The following CCDC3 variants were observed in gnomAD, a reference collection of about 807,000 sequenced individuals.
The protein encoded by CCDC3 is coiled-coil domain-containing protein 3.
CCDC3 carries 24 observed loss-of-function variants against 21.4 expected under a neutral mutation model. The ratio of observed to expected loss-of-function variants is 1.12; its 90% CI spans 0.81 to 1.58. CCDC3 has a LOEUF of 1.58. CCDC3 is among the 40% of genes most tolerant of loss of function. CCDC3 has a pLI of 0.00. For missense variants in CCDC3, 425 were observed against 360.9 expected, an observed-to-expected ratio of 1.18 and a Z score of -1.44; for synonymous variants, 186 against 166.0, an observed-to-expected ratio of 1.12 and a Z score of -0.93.
Position 13,052,963 on chromosome 10 carries a change from C to G in CCDC3, c.-269-3022G>C, listed in dbSNP as rs932121344. Reference sequence around the variant, plus strand: ...TCACACACACACACACACACACACACACACACACACACACACACACACATA... The same window carrying G: ...TCACACACACACACACACACACACAGACACACACACACACACACACACATA... On this transcript the variant is annotated intron_variant, in intron 4 of 6. Transcript: ENST00000378839. Among the ~76,000 whole-genome samples, 11 of 133,806 alleles carry G rather than the reference C, an allele frequency of 8.2e-5. No individual in the cohort carries two copies. In the East Asian group the frequency reaches 2.2e-3, roughly 27 times the overall value. 87.8% of individuals were successfully genotyped at this position (133,806 alleles called of 152,430 possible). A position where few individuals can be genotyped will look rare whatever the true frequency, so the allele number is the denominator to read the frequency against.
intron 2 of CCDC3, among the ~76,000 whole-genome samples, chr10:12,957,918 C>T (rs1835118174): frequency 6.6e-6 from 1 of 152,042 alleles, no homozygotes; most frequent in Non-Finnish European, 1.5e-5. Context: ...TGATCTTGGC[C>T]TCCTGGGTTC....
At chr10:12,984,510 G>A (rs1440050520) in intron 2 of CCDC3, among the ~76,000 whole-genome samples, 1 of 152,196 alleles carries the variant, frequency 6.6e-6, no homozygotes, top group Non-Finnish European at 1.5e-5. Context: ...CTCCTGCAAA[G>A]GCTAAACATA....
intron 2 of CCDC3, among the ~76,000 whole-genome samples, chr10:12,904,975 A>C (rs1010878420): frequency 2.0e-5 from 3 of 152,192 alleles, no homozygotes; most frequent in African/African-American, 4.8e-5. Context: ...ATGGCACCAG[A>C]CATGCCAAAG....
At chr10:12,929,197 G>A (rs1043228047) in intron 2 of CCDC3, among the ~76,000 whole-genome samples, 1 of 151,218 alleles carries the variant, frequency 6.6e-6, no homozygotes, top group Non-Finnish European at 1.5e-5. Context: ...AGGGGGTGGA[G>A]GTCGCAGTGA....
chr10:12,976,149 G>C (rs1835414197), intron 2 of CCDC3, among the ~76,000 whole-genome samples: 1 of 152,242 alleles, frequency 6.6e-6, no homozygotes, highest in African/African-American at 2.4e-5. Flanking sequence ...TGTCTCTAGA[G>C]ACCCGGCCTT....
intron 4 of CCDC3, among the ~76,000 whole-genome samples, chr10:13,072,729 ATG>A (rs1413852115): frequency 6.6e-6 from 1 of 151,810 alleles, no homozygotes; most frequent in Non-Finnish European, 1.5e-5. Context: ...ACACCCTTCA[ATG>A]TGTCCACATG....
At chr10:12,968,543 G>C (rs951053654) in intron 2 of CCDC3, among the ~76,000 whole-genome samples, 2 of 152,120 alleles carry the variant, frequency 1.3e-5, no homozygotes, top group South Asian at 2.1e-4. Flanking sequence ...ATACATCAAA[G>C]TATAAAACTC....
chr10:13,071,059 C>A (rs1438099155), intron 4 of CCDC3, among the ~76,000 whole-genome samples: 1 of 152,160 alleles, frequency 6.6e-6, no homozygotes, highest in African/African-American at 2.4e-5. Context: ...TCCTGCAAAT[C>A]CTTCCAGGTG....
At chr10:12,989,461 G>C (rs1008877329) in intron 2 of CCDC3, among the ~76,000 whole-genome samples, 1 of 152,042 alleles carries the variant, frequency 6.6e-6, no homozygotes. Flanking sequence ...TCTCTCTGTC[G>C]CCCAAGCTGG....
chr10:13,047,332 A>G (rs1272091239), intron 5 of CCDC3, among the ~76,000 whole-genome samples: 3 of 152,194 alleles, frequency 2.0e-5, no homozygotes, highest in African/African-American at 7.2e-5. Flanking sequence ...GGAGCTGGTG[A>G]CAGACCGGCA....
chr10:12,925,792 C>T (rs996464446), intron 2 of CCDC3, among the ~76,000 whole-genome samples: 1 of 152,216 alleles, frequency 6.6e-6, no homozygotes, highest in Non-Finnish European at 1.5e-5. Context: ...CATCTAACTC[C>T]ACATCTCATG....
At chr10:12,967,666 T>C (rs1423630412) in intron 2 of CCDC3, among the ~76,000 whole-genome samples, 3 of 152,032 alleles carry the variant, frequency 2.0e-5, no homozygotes, top group Non-Finnish European at 4.4e-5. Context: ...TCAGGATTTA[T>C]GGGACAACAT....
At chr10:13,022,119 A>C (rs1192194093) in intron 5 of CCDC3, among the ~76,000 whole-genome samples, 1 of 152,106 alleles carries the variant, frequency 6.6e-6, no homozygotes, top group Non-Finnish European at 1.5e-5. Flanking sequence ...AGAGATGAGG[A>C]ATGACTAAGT....
intron 3 of CCDC3, among the ~76,000 whole-genome samples, chr10:13,095,200 G>T (rs979840651): frequency 1.3e-5 from 2 of 152,146 alleles, no homozygotes; most frequent in Non-Finnish European, 2.9e-5. Flanking sequence ...ATAACTCTCT[G>T]TTTAACTTTC....
chr10:12,957,700 T>C (rs1480516766), intron 2 of CCDC3, among the ~76,000 whole-genome samples: 1 of 152,216 alleles, frequency 6.6e-6, no homozygotes, highest in Non-Finnish European at 1.5e-5. Flanking sequence ...CTCGTTGTTC[T>C]GGCCATACGA....
At chr10:12,908,895 A>T (rs1287447305) in intron 2 of CCDC3, among the ~76,000 whole-genome samples, 1 of 152,130 alleles carries the variant, frequency 6.6e-6, no homozygotes, top group Non-Finnish European at 1.5e-5. Flanking sequence ...CCTGGCCAGA[A>T]CTGTGATTTC....
At chr10:12,959,797 C>G (rs2131255688) in intron 2 of CCDC3, among the ~76,000 whole-genome samples, 1 of 152,270 alleles carries the variant, frequency 6.6e-6, no homozygotes, top group East Asian at 1.9e-4. Context: ...ACCATTGCGT[C>G]CCATGGCACC....
chr10:12,901,907 C>A (rs1034354350), intron 2 of CCDC3, among the ~76,000 whole-genome samples: 1 of 152,202 alleles, frequency 6.6e-6, no homozygotes, highest in East Asian at 1.9e-4. Flanking sequence ...CTCTTCCTCC[C>A]GCCTGGAGCA....
chr10:13,054,154 CAAAA>C (rs71386143), intron 4 of CCDC3, among the ~76,000 whole-genome samples: 4 of 99,912 alleles, frequency 4.0e-5, no homozygotes, highest in Non-Finnish European at 4.2e-5. Flanking sequence ...GACTCTGTAT[CAAAA>C]AAAAAAAAAA....
Sources: allele counts gnomAD v4.1 joint callset (sites outside exome capture counted in the v4.1 genomes callset), GRCh38; gene constraint gnomAD v4.1.1; transcripts MANE v1.5; gene names NCBI Gene and HGNC (gene_info 2026-07-23, HGNC 2026-07-21).